CFAP20DC: variants seen among roughly 807,000 people sequenced by gnomAD.
CFAP20DC encodes CFAP20 domain containing.
In CFAP20DC, 84 loss-of-function variants were observed where a neutral mutation model predicts 101.7. That is an observed-to-expected ratio of 0.83 (90% CI 0.69 to 0.99). The LOEUF (loss-of-function observed/expected upper bound fraction) is 0.99. CFAP20DC is among the 50% of genes least tolerant of loss of function. The pLI is 0.00. For missense variants in CFAP20DC, 1,007 were observed against 970.3 expected (o/e 1.04, Z -0.50); for synonymous variants, 359 against 351.2 (o/e 1.02, Z -0.25).
intron 12 of CFAP20DC, chr3:58,862,320 A>G: frequency 1.0e-6 from 1 of 985,408 alleles, no homozygotes; most frequent in Non-Finnish European, 1.2e-6. Context: ...TGAGGACACT[A>G]TTAGGTGCTG....
At chr3:58,814,623 A>C (rs1330685941) in intron 14 of CFAP20DC, among the ~76,000 whole-genome samples, 2 of 151,286 alleles carry the variant, frequency 1.3e-5, no homozygotes, top group Non-Finnish European at 2.9e-5. Context: ...GTCTCAGCCC[A>C]AAATCTCCTT....
chr3:59,024,468 A>G (rs1373096674), intron 4 of CFAP20DC, among the ~76,000 whole-genome samples: 1 of 152,170 alleles, frequency 6.6e-6, no homozygotes, highest in Non-Finnish European at 1.5e-5. Context: ...TCTAAATAAT[A>G]AGACCATTAT....
chr3:58,832,838 A>C (rs947306336), intron 13 of CFAP20DC, among the ~76,000 whole-genome samples: 1 of 152,206 alleles, frequency 6.6e-6, no homozygotes, highest in African/African-American at 2.4e-5. Context: ...TAGATTTGAT[A>C]ACAAACATTA....
At chr3:58,784,583 T>C (rs1370516725) in intron 15 of CFAP20DC, among the ~76,000 whole-genome samples, 1 of 152,088 alleles carries the variant, frequency 6.6e-6, no homozygotes, top group African/African-American at 2.4e-5. Flanking sequence ...GACACCTAGG[T>C]TGACTACATG....
intron 12 of CFAP20DC, among the ~76,000 whole-genome samples, chr3:58,851,476 T>G (rs1253765289): frequency 6.6e-6 from 1 of 152,310 alleles, no homozygotes; most frequent in Admixed American, 6.5e-5. Flanking sequence ...CCTTAACCCA[T>G]GCCCTGTTAT....
intron 13 of CFAP20DC, 115 bp downstream of exon 13, chr3:58,848,917 C>G: frequency 1.6e-6 from 2 of 1,272,638 alleles, no homozygotes; most frequent in East Asian, 2.5e-5. Context: ...AAAGAAAATA[C>G]AACACTCATC....
intron 14 of CFAP20DC, among the ~76,000 whole-genome samples, chr3:58,822,197 A>G (rs563768705): frequency 6.7e-6 from 1 of 149,020 alleles, no homozygotes; most frequent in African/African-American, 2.5e-5. Flanking sequence ...CTAATGCTAG[A>G]TGAGGAGTTA....
intron 4 of CFAP20DC, among the ~76,000 whole-genome samples, chr3:58,939,911 C>T (rs765550953): frequency 4.6e-5 from 7 of 151,876 alleles, no homozygotes; most frequent in African/African-American, 1.5e-4. Flanking sequence ...GGATTACCAG[C>T]GCGTGACATT....
In CFAP20DC at chr3:58,863,660, T is replaced by C. The variant is rs772312909; in HGVS notation, c.1491A>G (p.Pro497=). 1 of 1,614,178 alleles carries C rather than the reference T, an allele frequency of 6.2e-7. No individual in the cohort carries two copies. Among genetic ancestry groups the C allele is most frequent in the South Asian group, 1.1e-5 (1 of 91,074 alleles). Residue 497 remains proline, a synonymous_variant, in exon 12 of 17, where the codon CCA becomes CCG. Transcript: ENST00000482387. The surrounding 1 kb of genome is among the most constrained non-coding windows in gnomAD (Gnocchi z 5.9). ...GATCCAAAATAAATGAGAGCTCCTC[T>C]GGGGACATAGTCTGAGTCTTTCCAT... ...APHGKTQTMS[P]EELSFILDLK... is the part of the protein sequence containing the mutation.
At chr3:58,720,975 C>T (rs914718755) in intron 3 of CFAP20DC, among the ~76,000 whole-genome samples, 2 of 152,110 alleles carry the variant, frequency 1.3e-5, no homozygotes, top group African/African-American at 2.4e-5. Context: ...GGGAGGGTGG[C>T]GGGAGAGGAG....
chr3:59,044,917 C>A (rs1230863820), intron 3 of CFAP20DC, among the ~76,000 whole-genome samples: 1 of 151,850 alleles, frequency 6.6e-6, no homozygotes, highest in Non-Finnish European at 1.5e-5. Context: ...ACAGGTTTCC[C>A]TGGATCATCT....
intron 4 of CFAP20DC, among the ~76,000 whole-genome samples, chr3:58,985,684 C>T (rs960944762): frequency 6.6e-6 from 1 of 152,104 alleles, no homozygotes; most frequent in Non-Finnish European, 1.5e-5. Context: ...TTCTATGAAA[C>T]CCGTTAGCAA....
chr3:58,861,291 T>C lies in CFAP20DC; in HGVS notation c.1593+2267A>G, dbSNP rs2079227484. 2.9e-6 allele frequency: 2 copies of C among 679,792 alleles called. No homozygotes were observed. Among genetic ancestry groups the C allele is most frequent in the Non-Finnish European group, 3.6e-6 (2 of 551,222 alleles). 42.1% of individuals were successfully genotyped at this position (679,792 alleles called of 1,614,324 possible). ...TTCAAGCATAATAATATAATTGTTA[T>C]TCACTTGTCCACCATTATTTACAAC... is the stretch of plus-strand genomic sequence containing the variant. On this transcript the variant is annotated intron_variant, in intron 12 of 16. Transcript: ENST00000482387. This position sits in a 1 kb window ranked among gnomAD's most constrained non-coding sequence, Gnocchi z 4.0.
chr3:58,826,901 A>C (rs1374978798), intron 14 of CFAP20DC, among the ~76,000 whole-genome samples: 1 of 152,070 alleles, frequency 6.6e-6, no homozygotes, highest in Non-Finnish European at 1.5e-5. Context: ...TCAGGGTGGG[A>C]TGAGGGTTGG....
rs892845160 is a variant in CFAP20DC at position 58,934,335 on chromosome 3, C to T, written c.393+3313G>A. Among the ~76,000 whole-genome samples the T allele has an allele frequency of 4.6e-5, 7 of 152,124 alleles. No homozygotes were observed. The East Asian group carries it at 7.7e-4, about 17-fold the overall frequency. ...CAGATGGACTCACAGCCGAATTCTA[C>T]CAGAGGTACAAGGAGGAACTGGTAC... On this transcript the variant is annotated intron_variant, in intron 5 of 16. Transcript: ENST00000482387.
intron 14 of CFAP20DC, among the ~76,000 whole-genome samples, chr3:58,825,083 A>T (rs2107971971): frequency 6.6e-6 from 1 of 152,330 alleles, no homozygotes; most frequent in Non-Finnish European, 1.5e-5. Context: ...GAAATGAAAT[A>T]TTGAAATAAT....
chr3:58,943,810 G>A (rs1281470551), intron 4 of CFAP20DC, among the ~76,000 whole-genome samples: 3 of 152,072 alleles, frequency 2.0e-5, no homozygotes, highest in Admixed American at 6.5e-5. Context: ...CCAATGCAAG[G>A]TAGCTAAGAA....
At chr3:58,723,734 G>A (rs540197163) in intron 3 of CFAP20DC, among the ~76,000 whole-genome samples, 1 of 152,318 alleles carries the variant, frequency 6.6e-6, no homozygotes, top group East Asian at 1.9e-4. Flanking sequence ...GTCAGGTGGG[G>A]TGTAAGTAGT....
chr3:58,989,369 T>A (rs780739449), intron 4 of CFAP20DC, among the ~76,000 whole-genome samples: 2 of 152,130 alleles, frequency 1.3e-5, no homozygotes, highest in African/African-American at 2.4e-5. Context: ...TTTTAGAATT[T>A]TTGCTAATGA....
Sources: gnomAD v4.1 joint callset for allele counts (sites outside exome capture counted in the v4.1 genomes callset) on GRCh38, gnomAD v4.1.1 for gene constraint, Gnocchi (gnomAD v3.1) non-coding constraint, MANE v1.5 for transcripts, NCBI Gene and HGNC (gene_info 2026-07-23, HGNC 2026-07-21) for gene names.